MAP3K14: variants seen among roughly 807,000 people sequenced by gnomAD.
The protein encoded by MAP3K14 is mitogen-activated protein kinase kinase kinase 14.
In MAP3K14, 16 loss-of-function variants were observed where a neutral mutation model predicts 99.2. That is an observed-to-expected ratio of 0.16 (90% confidence interval 0.11 to 0.24). The LOEUF is 0.24. MAP3K14 is among the 10% of genes least tolerant of loss of function. The pLI, the probability that MAP3K14 is intolerant of heterozygous loss-of-function variation, is 1.00. For synonymous variants in MAP3K14, 462 were observed against 492.4 expected (o/e 0.94, Z 0.82); for missense variants, 784 against 1,208.7 (o/e 0.65, Z 5.21).
chr17:45,303,933 T>C (rs895508592), intron 1 of MAP3K14, among the ~76,000 whole-genome samples: 4 of 151,880 alleles, frequency 2.6e-5, no homozygotes, highest in Non-Finnish European at 4.4e-5. Context: ...TGTAATGTCA[T>C]ACAAATTGTA....
At chr17:45,265,858 C>G (rs559823051) in intron 14 of MAP3K14, among the ~76,000 whole-genome samples, 6 of 152,360 alleles carry the variant, frequency 3.9e-5, no homozygotes, top group African/African-American at 7.2e-5. Flanking sequence ...TTGCTAAGAG[C>G]TGGGGCTGGC....
chr17:45,281,401 G>C (rs559354264), intron 6 of MAP3K14, among the ~76,000 whole-genome samples: 29 of 150,156 alleles, frequency 1.9e-4, no homozygotes, highest in Non-Finnish European at 3.7e-4. Context: ...CTGGAGTGCA[G>C]TGGCACAATC....
intron 1 of MAP3K14, among the ~76,000 whole-genome samples, chr17:45,299,740 T>A (rs1281872514): frequency 6.6e-6 from 1 of 152,236 alleles, no homozygotes. Context: ...GGTACATTAA[T>A]CATTAAAATC....
intron 13 of MAP3K14, 134 bp downstream of exon 13, chr17:45,266,958 C>T: frequency 5.5e-6 from 4 of 727,064 alleles, no homozygotes; most frequent in Non-Finnish European, 9.2e-6. Context: ...GAAGGGGTGA[C>T]CCCCATCACC....
At chr17:45,315,900 G>C (rs938820566) in intron 1 of MAP3K14, among the ~76,000 whole-genome samples, 3 of 152,194 alleles carry the variant, frequency 2.0e-5, no homozygotes, top group African/African-American at 7.2e-5. Context: ...CTAATGTTAA[G>C]ATACTGTCTC....
chr17:45,272,668 G>A lies in MAP3K14; in HGVS notation c.1657+835C>T, dbSNP rs1354261674. 6.6e-6 allele frequency among the ~76,000 whole-genome samples: 1 copy of A among 152,046 alleles called. No homozygotes were observed. Among genetic ancestry groups the A allele is most frequent in the Non-Finnish European group, 1.5e-5 (1 of 68,016 alleles). On this transcript the variant is annotated intron_variant, in intron 9 of 15. Transcript: ENST00000344686. This position sits in a 1 kb window ranked among gnomAD's most constrained non-coding sequence, Gnocchi z 4.1. ...AAATATTCATGATTCGGCCGGGCAC[G>A]GAGGCTCATGCCTGTAATTCCAGCA...
At chr17:45,265,626 C>A (rs1018376471) in intron 14 of MAP3K14, among the ~76,000 whole-genome samples, 4 of 151,958 alleles carry the variant, frequency 2.6e-5, no homozygotes, top group Admixed American at 2.6e-4. Context: ...TTAGTAGAGA[C>A]GGGGTTTCAC....
intron 9 of MAP3K14, 98 bp downstream of exon 9, chr17:45,273,405 A>G (rs1158726495): frequency 4.6e-6 from 4 of 873,618 alleles, no homozygotes; most frequent in Non-Finnish European, 7.3e-6. Flanking sequence ...ACACAGGTGG[A>G]CCTAAGTGTT....
At chr17:45,281,343 CTT>C (rs1205003546) in intron 6 of MAP3K14, among the ~76,000 whole-genome samples, 25 of 137,160 alleles carry the variant, frequency 1.8e-4, no homozygotes, top group Non-Finnish European at 1.8e-4. Context: ...CCTGATCTTT[CTT>C]TTTTTTTTTT....
At chr17:45,298,817 C>G (rs73303270) in intron 1 of MAP3K14, among the ~76,000 whole-genome samples, 2,314 of 152,258 alleles carry the variant, frequency 0.015, 65 homozygotes, top group African/African-American at 0.053. Flanking sequence ...CTGGGGGAAA[C>G]AGACAAGAAG....
At chr17:45,270,667 G>C (rs957790211) in intron 10 of MAP3K14, 104 bp from the exon 11 acceptor site, 1 of 1,394,854 alleles carries the variant, frequency 7.2e-7, no homozygotes, top group African/African-American at 1.5e-5. Flanking sequence ...TTCCCGCTGT[G>C]CTGGGGTCTA....
chr17:45,316,216 G>A (rs2044531117), intron 1 of MAP3K14, among the ~76,000 whole-genome samples: 1 of 152,204 alleles, frequency 6.6e-6, no homozygotes. Flanking sequence ...CACTTTTTCT[G>A]AAGCTACCCA....
intron 1 of MAP3K14, among the ~76,000 whole-genome samples, chr17:45,314,617 AG>A (rs1000114831): frequency 6.6e-6 from 1 of 151,996 alleles, no homozygotes; most frequent in Admixed American, 6.6e-5. Context: ...ACCTTTTGCC[AG>A]GAAAAAAAAA....
chr17:45,263,545 A>G lies in MAP3K14; in HGVS notation c.*1091T>C, dbSNP rs2044037458. ...CCTTCACCCCATCTCCTGGCTTGCT[A>G]TGCTCCTACAGTGTCACTGCCCTGC... On this transcript the variant is annotated 3_prime_UTR_variant, in exon 16 of 16. Transcript: ENST00000344686. 1 of 152,742 alleles carries G rather than the reference A, an allele frequency of 6.5e-6. No homozygotes were observed. The highest frequency in any genetic ancestry group is 6.5e-5 in the Admixed American group (1 of 15,282). 9.5% of individuals were successfully genotyped at this position (152,742 alleles called of 1,614,324 possible).
intron 2 of MAP3K14, among the ~76,000 whole-genome samples, chr17:45,290,040 C>T (rs2044298077): frequency 6.6e-6 from 1 of 152,330 alleles, no homozygotes; most frequent in South Asian, 2.1e-4. Context: ...CAGGACTGGC[C>T]CAGCAGGCTC....
chr17:45,268,037 A>C (rs1028093889), intron 11 of MAP3K14: 1 of 387,600 alleles, frequency 2.6e-6, no homozygotes, highest in Middle Eastern at 7.1e-4. Flanking sequence ...AAAACTACAG[A>C]ATCAGCTCCA....
At chr17:45,274,370 A>G in intron 7 of MAP3K14, 94 bp downstream of exon 7, 1 of 1,582,840 alleles carries the variant, frequency 6.3e-7, no homozygotes. Flanking sequence ...GAGGTTAACA[A>G]TGGATAGATC....
At chr17:45,295,561 C>T (rs948377523) in intron 1 of MAP3K14, among the ~76,000 whole-genome samples, 1 of 152,166 alleles carries the variant, frequency 6.6e-6, no homozygotes, top group Admixed American at 6.5e-5. Flanking sequence ...TACAAAGTAC[C>T]TACTGTCATC....
intron 1 of MAP3K14, among the ~76,000 whole-genome samples, chr17:45,311,960 C>T (rs1464416904): frequency 1.3e-5 from 2 of 152,178 alleles, no homozygotes; most frequent in African/African-American, 4.8e-5. Context: ...GTGCCCCGTC[C>T]ACGATCCCCC....
Sources: allele counts gnomAD v4.1 joint callset (sites outside exome capture counted in the v4.1 genomes callset), GRCh38; gene constraint gnomAD v4.1.1; non-coding constraint Gnocchi (gnomAD v3.1); transcripts MANE v1.5; gene names NCBI Gene and HGNC (gene_info 2026-07-23, HGNC 2026-07-21).